The following TOPORS variants were observed in gnomAD, a reference collection of about 807,000 sequenced individuals.
TOPORS encodes the protein TOP1 binding arginine/serine rich protein, E3 ubiquitin ligase.
TOPORS carries 25 observed loss-of-function variants against 81.4 expected under a neutral mutation model. That is an observed-to-expected ratio of 0.31 (90% CI 0.22 to 0.43). TOPORS has a LOEUF of 0.43. Among genes scored for constraint, TOPORS ranks in the 20% least tolerant of loss-of-function variants. The probability of loss-of-function intolerance (pLI) is 1.00; values close to 1 mark genes in which losing one functional copy is unlikely to be tolerated. For missense variants in TOPORS, 1,101 were observed against 1,267.0 expected (o/e 0.87, Z 1.99); for synonymous variants, 473 against 456.6 (o/e 1.04, Z -0.46).
chr9:32,543,154 C>T lies in TOPORS; in HGVS notation c.1371G>A (p.Gln457=). The T allele has an allele frequency of 6.2e-7, 1 of 1,614,050 alleles. No homozygotes were observed. Among genetic ancestry groups the T allele is most frequent in the Non-Finnish European group, 8.5e-7 (1 of 1,180,028 alleles). Residue 457 remains glutamine, a synonymous_variant, in exon 3 of 3, where the codon CAG becomes CAA. Coordinates refer to ENST00000360538, the MANE Select transcript of TOPORS (RefSeq NM_005802.5). This position sits in a 1 kb window ranked among gnomAD's most constrained non-coding sequence, Gnocchi z 5.6. ...EELVTGGATS[Q]IQGVQTNDDL... Reference sequence around the variant, plus strand: ...CGTCATTGGTTTGTACTCCTTGTATCTGAGACGTGGCTCCTCCTGTGACAA... The same window carrying T: ...CGTCATTGGTTTGTACTCCTTGTATTTGAGACGTGGCTCCTCCTGTGACAA...
Position 32,543,206 on chromosome 9 carries a change from T to A in TOPORS, c.1319A>T (p.Asn440Ile). ...TTCTTCATCTGAACTGTCAGAAGTA[T>A]TTAAAAGAGAAGACATAGTAACGTG... is the stretch of plus-strand genomic sequence containing the variant. ...QVHVTMSSLLNTSDSSDEELV... is the reference protein window; with the variant it reads ...QVHVTMSSLLITSDSSDEELV... The change falls in exon 3 of 3, where the codon AAT becomes ATT. Residue 440 changes from asparagine to isoleucine, a missense_variant. Physicochemically the swap from Asn to Ile is moderately radical, Grantham distance 149. This residue lies in a region of TOPORS where 103 missense variants were observed against 112.1 expected (regional missense o/e 0.92). Transcript: ENST00000360538. This position sits in a 1 kb window ranked among gnomAD's most constrained non-coding sequence, Gnocchi z 5.6. The A allele has an allele frequency of 6.2e-7, 1 of 1,613,710 alleles. No individual in the cohort carries two copies. The highest frequency in any genetic ancestry group is 8.5e-7 in the Non-Finnish European group (1 of 1,180,024).
intron 2 of TOPORS, among the ~76,000 whole-genome samples, chr9:32,544,773 C>T (rs1821120061): frequency 6.6e-6 from 1 of 151,966 alleles, no homozygotes; most frequent in Admixed American, 6.6e-5. Context: ...TACCAAATAC[C>T]CATGTATCCA....
chr9:32,541,569 G>T lies in TOPORS; in HGVS notation c.2956C>A (p.Pro986Thr), dbSNP rs1821059194. ...NNANKTVDNI[P>T]PLAASVEQTL... ...TGTTCAACTGAAGCTGCCAGAGGTG[G>T]AATATTATCTACAGTTTTGTTGGCA... The change falls in exon 3 of 3, where the codon CCA becomes ACA. Residue 986 changes from proline (P) to threonine (T), a missense_variant. Transcript: ENST00000360538. The T allele has an allele frequency of 6.2e-7, 1 of 1,614,196 alleles. No homozygotes were observed. Among genetic ancestry groups the T allele is most frequent in the Non-Finnish European group, 8.5e-7 (1 of 1,180,024 alleles).
chr9:32,547,677 G>A (rs1332367678), intron 2 of TOPORS, among the ~76,000 whole-genome samples: 6 of 152,204 alleles, frequency 3.9e-5, no homozygotes, highest in African/African-American at 1.4e-4. Context: ...AAATGAGGCT[G>A]GTGGCTGCTG....
At position 32,551,944 on chromosome 9, in the gene TOPORS, A is replaced by ACAGG. The variant is rs1176548990; in HGVS notation, c.3+486_3+489dup. On this transcript the variant is annotated intron_variant, in intron 1 of 2. Coordinates refer to ENST00000360538, the MANE Select transcript of TOPORS (RefSeq NM_005802.5). Reference sequence around the variant, plus strand: ...GGTGGTATTTTTACGTCAAAGATGAACAGGCGAACGTCCATCTAAATCGTG... The same window carrying ACAGG: ...GGTGGTATTTTTACGTCAAAGATGAACAGGCAGGCGAACGTCCATCTAAATCGTG... 3 of 305,036 alleles carry ACAGG rather than the reference A, an allele frequency of 9.8e-6. No individual in the cohort carries two copies. The East Asian group carries it at 2.5e-4, about 26-fold the overall frequency. 18.9% of individuals were successfully genotyped at this position (305,036 alleles called of 1,614,324 possible).
rs760068838 is a variant in TOPORS, at chr9:32,542,767, T to C, written c.1758A>G (p.Pro586=). The C allele has an allele frequency of 6.2e-6, 10 of 1,614,092 alleles. No homozygotes were observed. In the South Asian group the frequency reaches 9.9e-5, roughly 16 times the overall value. Reference sequence around the variant, plus strand: ...CCCTCTTTCTGTGTCTATGGTTATATGGAGAATATACTCTGTCTCCTCTTA... The same window carrying C: ...CCCTCTTTCTGTGTCTATGGTTATACGGAGAATATACTCTGTCTCCTCTTA... ...SSVRGDRVYS[P]YNHRHRKRGR... is the part of the protein sequence containing the mutation. The change falls in exon 3 of 3, where the codon CCA becomes CCG. Residue 586 remains proline (P), a synonymous_variant. Transcript: ENST00000360538.
At chr9:32,544,562 C>T (rs938056173) in intron 2 of TOPORS, among the ~76,000 whole-genome samples, 8 of 152,202 alleles carry the variant, frequency 5.3e-5, no homozygotes, top group Non-Finnish European at 1.0e-4. Context: ...ACCAGCGTGA[C>T]TATGTGCCAG....
chr9:32,544,224 A>G lies in TOPORS; in HGVS notation c.301T>C (p.Ser101Pro). 1.2e-6 allele frequency: 2 copies of G among 1,611,676 alleles called. No individual in the cohort carries two copies. Among genetic ancestry groups the G allele is most frequent in the South Asian group, 1.1e-5 (1 of 91,084 alleles). The change falls in exon 3 of 3, where the codon TCT becomes CCT. Residue 101 changes from serine to proline, a missense_variant. Around this residue, in one of 9 missense-constraint regions of TOPORS, gnomAD observed 48 missense variants for 73.3 expected, o/e 0.65. Transcript: ENST00000360538. ...CTATCCAAGCATATAGGACACTTAG[A>G]ATCAGGAGATGCATCAGCTGGTACT... ...QTVPADASPD[S>P]KCPICLDRFD...
chr9:32,548,979 A>G (rs1220662603), intron 2 of TOPORS, among the ~76,000 whole-genome samples: 1 of 152,278 alleles, frequency 6.6e-6, no homozygotes, highest in Non-Finnish European at 1.5e-5. Flanking sequence ...TAAACGAAGT[A>G]TAACTGCTCT....
chr9:32,552,428 C>G lies in TOPORS; in HGVS notation c.3+6G>C. On this transcript the variant is annotated splice_donor_region_variant and intron_variant, in intron 1 of 2. Coordinates refer to ENST00000360538, the MANE Select transcript of TOPORS (RefSeq NM_005802.5). ...CAGCTCCCGCGGACTGCTGCCGCCT[C>G]CTTACCATGAAGCCAGTAAGTCGTC... 1 of 1,609,682 alleles carries G rather than the reference C, an allele frequency of 6.2e-7. No individual in the cohort carries two copies. The highest frequency in any genetic ancestry group is 8.5e-7 in the Non-Finnish European group (1 of 1,178,398).
At position 32,542,970 on chromosome 9, in the gene TOPORS, C is replaced by A; in HGVS notation, c.1555G>T (p.Glu519Ter). The A allele has an allele frequency of 6.2e-7, 1 of 1,614,142 alleles. No individual in the cohort carries two copies. Among genetic ancestry groups the A allele is most frequent in the Non-Finnish European group, 8.5e-7 (1 of 1,180,020 alleles). ...KMETVKTQEQ[E>*]QSYSSGDSDV... is the part of the protein sequence containing the mutation. ...CTATCACCAGAACTGTAAGATTGCT[C>A]CTGTTCTTGTGTCTTCACTGTCTCC... The change falls in exon 3 of 3, where the codon GAG becomes TAG. Residue 519 changes from glutamate to a stop codon, truncating the protein, a stop_gained. Transcript: ENST00000360538. LOFTEE classifies it high-confidence loss of function.
rs751276061 is a variant in TOPORS, at chr9:32,542,541, G to A, written c.1984C>T (p.Leu662=). 6.2e-7 allele frequency: 1 copy of A among 1,614,014 alleles called. No individual in the cohort carries two copies. The highest frequency in any genetic ancestry group is 2.2e-5 in the East Asian group (1 of 44,856). ...GATCTGCTTGTGCTTTCACTACTTA[G>A]AGACAGAGTTTGGCTTCTTCTGGAC... ...SWSRRSQTLS[L]SSESTSRSRS... The change falls in exon 3 of 3, where the codon CTA becomes TTA. Residue 662 remains leucine, a synonymous_variant. Transcript: ENST00000360538.
At chr9:32,552,383 G>A (rs1821305741) in intron 1 of TOPORS, 51 bp downstream of exon 1, 1 of 1,604,842 alleles carries the variant, frequency 6.2e-7, no homozygotes, top group East Asian at 2.2e-5. Context: ...GGAGGTTACT[G>A]TAAGGCCCGC....
intron 2 of TOPORS, among the ~76,000 whole-genome samples, chr9:32,550,021 T>C (rs1821204750): frequency 1.3e-5 from 2 of 152,250 alleles, no homozygotes; most frequent in African/African-American, 4.8e-5. Flanking sequence ...GCTGATTGTA[T>C]AGCTTTCTTT....
chr9:32,547,548 GT>G (rs1482972730), intron 2 of TOPORS, among the ~76,000 whole-genome samples: 1 of 152,142 alleles, frequency 6.6e-6, no homozygotes, highest in African/African-American at 2.4e-5. Flanking sequence ...GTACCATGTT[GT>G]AACATGGATG....
At chr9:32,552,297 G>A in intron 1 of TOPORS, 137 bp downstream of exon 1, 1 of 1,293,290 alleles carries the variant, frequency 7.7e-7, no homozygotes, top group Non-Finnish European at 1.1e-6. Context: ...GCCAGCGACA[G>A]CGCTGCACGA....
rs1340872823 is a variant in TOPORS at position 32,540,602 on chromosome 9, G to A, written c.*785C>T. 6.6e-6 allele frequency: 1 copy of A among 152,406 alleles called. No individual in the cohort carries two copies. The highest frequency in any genetic ancestry group is 1.5e-5 in the Non-Finnish European group (1 of 68,004). 9.4% of individuals were successfully genotyped at this position (152,406 alleles called of 1,614,324 possible). A position where few individuals can be genotyped will look rare whatever the true frequency, so the allele number is the denominator to read the frequency against. ...TTAAATGCTGTTTTTACTGATGATAGAAAGCAAATAAGATACTCCTCAAAA... is the reference window on the plus strand; with the variant it reads ...TTAAATGCTGTTTTTACTGATGATAAAAAGCAAATAAGATACTCCTCAAAA... On this transcript the variant is annotated 3_prime_UTR_variant, in exon 3 of 3. Transcript: ENST00000360538.
In TOPORS at chr9:32,541,484, T is replaced by C; in HGVS notation, c.3041A>G (p.Asn1014Ser). 1 of 1,614,220 alleles carries C rather than the reference T, an allele frequency of 6.2e-7. No homozygotes were observed. The highest frequency in any genetic ancestry group is 8.5e-7 in the Non-Finnish European group (1 of 1,180,026). The change falls in exon 3 of 3, where the codon AAC becomes AGC. Residue 1014 changes from asparagine (N) to serine (S), a missense_variant. By Grantham distance (46) the Asn-to-Ser change is conservative. This residue lies in a region of TOPORS where 605 missense variants were observed against 636.1 expected (regional missense o/e 0.95). Coordinates refer to ENST00000360538, the MANE Select transcript of TOPORS (RefSeq NM_005802.5). ...TGGCTCAGTTTGAAGAGACACAATG[T>C]TACTGGGCTGGTTCTCCAAATCAGA... ...FVSDLENQPS[N>S]IVSLQTEPSR...
intron 2 of TOPORS, 111 bp from the exon 3 acceptor site, chr9:32,544,437 A>C (rs1332534833): frequency 2.8e-6 from 3 of 1,067,078 alleles, no homozygotes; most frequent in African/African-American, 3.2e-5. Context: ...AAAATACTTA[A>C]GTGACCCATT....
Sources: gnomAD v4.1 joint callset for allele counts (sites outside exome capture counted in the v4.1 genomes callset) on GRCh38, gnomAD v4.1.1 for gene constraint, gnomAD v4.1.1 regional missense constraint, Gnocchi (gnomAD v3.1) non-coding constraint, MANE v1.5 for transcripts, NCBI Gene and HGNC (gene_info 2026-07-23, HGNC 2026-07-21) for gene names.